THSD4: variants seen among roughly 807,000 people sequenced by gnomAD.
THSD4 encodes thrombospondin type-1 domain-containing protein 4.
THSD4 carries 69 observed loss-of-function variants against 119.0 expected under a neutral mutation model. That is an observed-to-expected ratio of 0.58 (90% CI 0.48 to 0.71). The LOEUF (loss-of-function observed/expected upper bound fraction) is 0.71, where lower values mean the gene tolerates loss of function less well. Ranked by LOEUF, THSD4 falls within the 30% of genes least tolerant of loss-of-function variation. The pLI is 0.00. For missense variants in THSD4, 1,393 were observed against 1,391.1 expected, an observed-to-expected ratio of 1.00 and a Z score of -0.02; for synonymous variants, 524 against 540.4, an observed-to-expected ratio of 0.97 and a Z score of 0.42.
intron 5 of THSD4, among the ~76,000 whole-genome samples, chr15:71,255,264 C>T (rs1351578915): frequency 6.6e-6 from 1 of 152,168 alleles, no homozygotes; most frequent in African/African-American, 2.4e-5. Flanking sequence ...CATACACACT[C>T]TCTTAAACAG....
intron 7 of THSD4, among the ~76,000 whole-genome samples, chr15:71,590,182 A>G (rs757292246): frequency 7.2e-6 from 1 of 138,374 alleles, no homozygotes; most frequent in African/African-American, 2.5e-5. Flanking sequence ...TGGAAACCCA[A>G]GTGTTTGTGG....
chr15:71,195,872 C>G (rs1282711938), intron 3 of THSD4, among the ~76,000 whole-genome samples: 3 of 152,166 alleles, frequency 2.0e-5, no homozygotes, highest in African/African-American at 4.8e-5. Context: ...TATTCAATAA[C>G]CTGCAAGCTG....
chr15:71,150,449 G>A (rs957001155), intron 2 of THSD4, among the ~76,000 whole-genome samples: 1 of 152,204 alleles, frequency 6.6e-6, no homozygotes, highest in Non-Finnish European at 1.5e-5. Context: ...ATATATTGCT[G>A]TGCCTGCTGT....
chr15:71,273,181 C>CT (rs1244343099), intron 6 of THSD4, among the ~76,000 whole-genome samples: 1 of 152,150 alleles, frequency 6.6e-6, no homozygotes, highest in Non-Finnish European at 1.5e-5. Flanking sequence ...AAAATGTGGT[C>CT]TGTGTACATG....
chr15:71,755,771 C>T (rs946288917), intron 14 of THSD4, among the ~76,000 whole-genome samples: 3 of 143,022 alleles, frequency 2.1e-5, no homozygotes, highest in African/African-American at 7.8e-5. Flanking sequence ...AGGCAGGAAG[C>T]AGCACATAGA....
At chr15:71,643,560 T>C (rs1232699911) in intron 7 of THSD4, among the ~76,000 whole-genome samples, 1 of 152,128 alleles carries the variant, frequency 6.6e-6, no homozygotes, top group African/African-American at 2.4e-5. Flanking sequence ...GAACATGTGG[T>C]GTTTGGTTTT....
chr15:71,364,782 G>A (rs745984851), intron 6 of THSD4, among the ~76,000 whole-genome samples: 42 of 152,190 alleles, frequency 2.8e-4, no homozygotes, highest in Non-Finnish European at 4.7e-4. Context: ...GCTTTAAAGC[G>A]TGTCTTGGTA....
At chr15:71,391,834 C>G (rs949298586) in intron 6 of THSD4, among the ~76,000 whole-genome samples, 1 of 152,148 alleles carries the variant, frequency 6.6e-6, no homozygotes, top group Non-Finnish European at 1.5e-5. Context: ...AAAACTAGGT[C>G]TCTGTCCAGA....
intron 8 of THSD4, among the ~76,000 whole-genome samples, chr15:71,670,087 T>C (rs960996675): frequency 6.6e-6 from 1 of 152,166 alleles, no homozygotes; most frequent in Admixed American, 6.5e-5. Context: ...TGTACCTTTT[T>C]TTTTATTATT....
chr15:71,214,091 T>C (rs903302324), intron 3 of THSD4, among the ~76,000 whole-genome samples: 1 of 144,690 alleles, frequency 6.9e-6, no homozygotes, highest in Non-Finnish European at 1.5e-5. Context: ...ATCAGCACTC[T>C]GTAAAAACAC....
intron 6 of THSD4, among the ~76,000 whole-genome samples, chr15:71,293,034 A>G (rs1333245878): frequency 6.6e-6 from 1 of 151,950 alleles, no homozygotes; most frequent in African/African-American, 2.4e-5. Context: ...CTCACCTCCA[A>G]GTTCTTTTTG....
intron 10 of THSD4, 73 bp downstream of exon 10, chr15:71,731,290 G>A (rs567456471): frequency 2.1e-6 from 3 of 1,414,634 alleles, no homozygotes; most frequent in African/African-American, 2.8e-5. Context: ...CAATTCTTGT[G>A]CATCCACCCT....
At chr15:71,568,000 CTTA>C (rs1045705522) in intron 7 of THSD4, among the ~76,000 whole-genome samples, 4 of 152,064 alleles carry the variant, frequency 2.6e-5, no homozygotes, top group Non-Finnish European at 4.4e-5. Flanking sequence ...TCTTTGTATA[CTTA>C]TTATTATCCT....
chr15:71,775,110 C>T (rs1402757448), intron 17 of THSD4, among the ~76,000 whole-genome samples: 1 of 151,720 alleles, frequency 6.6e-6, no homozygotes. Flanking sequence ...CATGCCATTG[C>T]ACTCCAGCCT....
At chr15:71,331,229 T>C (rs1395383923) in intron 6 of THSD4, among the ~76,000 whole-genome samples, 1 of 152,182 alleles carries the variant, frequency 6.6e-6, no homozygotes, top group Non-Finnish European at 1.5e-5. Context: ...CGGCTGCCCT[T>C]CCTCGTACTT....
intron 8 of THSD4, among the ~76,000 whole-genome samples, chr15:71,715,738 G>A (rs896761068): frequency 6.7e-5 from 10 of 149,960 alleles, no homozygotes; most frequent in African/African-American, 1.7e-4. Context: ...CAATTTAGTC[G>A]CAGATTTGGG....
At chr15:71,664,576 GT>G (rs559927026) in intron 8 of THSD4, among the ~76,000 whole-genome samples, 14 of 152,194 alleles carry the variant, frequency 9.2e-5, no homozygotes, top group Non-Finnish European at 1.8e-4. Flanking sequence ...CGTCACTGGG[GT>G]TTTTTGTACA....
At chr15:71,743,144 C>A (rs1029299710) in intron 11 of THSD4, among the ~76,000 whole-genome samples, 12 of 152,216 alleles carry the variant, frequency 7.9e-5, no homozygotes, top group African/African-American at 2.9e-4. Context: ...GGAGCTGGAC[C>A]ATGGACAATG....
chr15:71,147,063 C>T (rs2040669474), intron 2 of THSD4, among the ~76,000 whole-genome samples: 1 of 152,182 alleles, frequency 6.6e-6, no homozygotes, highest in Non-Finnish European at 1.5e-5. Flanking sequence ...GGATTAGAAC[C>T]AGTAATTCCA....
Sources: allele counts gnomAD v4.1 joint callset (sites outside exome capture counted in the v4.1 genomes callset), GRCh38; gene constraint gnomAD v4.1.1; transcripts MANE v1.5; gene names NCBI Gene and HGNC (gene_info 2026-07-23, HGNC 2026-07-21).